UGGT2: variants seen among roughly 807,000 people sequenced by gnomAD.
The protein encoded by UGGT2 is UDP-glucose:glycoprotein glucosyltransferase 2.
In UGGT2, 180 loss-of-function variants were observed where a neutral mutation model predicts 192.1. The ratio of observed to expected loss-of-function variants is 0.94; its 90% CI spans 0.83 to 1.06. The LOEUF (loss-of-function observed/expected upper bound fraction) is 1.06, where lower values mean the gene tolerates loss of function less well. Ranked by LOEUF, UGGT2 falls within the 50% of genes least tolerant of loss-of-function variation. The pLI is 0.00. For synonymous variants in UGGT2, 580 were observed against 591.0 expected, an observed-to-expected ratio of 0.98 and a Z score of 0.27; for missense variants, 1,849 against 1,795.7, an observed-to-expected ratio of 1.03 and a Z score of -0.54.
chr13:95,944,091 A>G (rs1271071603), intron 15 of UGGT2, among the ~76,000 whole-genome samples: 1 of 152,000 alleles, frequency 6.6e-6, no homozygotes, highest in Admixed American at 6.6e-5. Flanking sequence ...TATTCATTAG[A>G]TAATCTCACC....
chr13:95,838,807 C>T (rs1235320619), intron 36 of UGGT2, among the ~76,000 whole-genome samples: 1 of 152,082 alleles, frequency 6.6e-6, no homozygotes. Flanking sequence ...GCTACTAACT[C>T]AAATGGTTAT....
intron 7 of UGGT2, among the ~76,000 whole-genome samples, chr13:95,992,918 G>A (rs1429499094): frequency 6.6e-6 from 1 of 152,132 alleles, no homozygotes; most frequent in Non-Finnish European, 1.5e-5. Flanking sequence ...TCATTACTGG[G>A]TATTCACCCA....
chr13:95,877,107 C>T (rs908234114), intron 29 of UGGT2, 172 bp downstream of exon 29: 1 of 481,234 alleles, frequency 2.1e-6, no homozygotes, highest in Non-Finnish European at 3.6e-6. Flanking sequence ...AGGTCTTGAA[C>T]TCCTGGCCTT....
At position 95,996,121 on chromosome 13, in the gene UGGT2, T is replaced by G; in HGVS notation, c.772A>C (p.Thr258Pro). ...DTQVKTVTNTTVEDETETNEV... is the reference protein window; with the variant it reads ...DTQVKTVTNTPVEDETETNEV... ...TTTGTTTCAGTCTCATCCTCTACAG[T>G]AGTATTAGTCACAGCTACATTTTGG... Residue 258 changes from threonine to proline, a missense_variant, in exon 7 of 39, where the codon ACT becomes CCT. By Grantham distance (38) the Thr-to-Pro change is conservative (BLOSUM62 -1). Transcript: ENST00000376747. The G allele has an allele frequency of 6.2e-7, 1 of 1,612,632 alleles. No homozygotes were observed. Among genetic ancestry groups the G allele is most frequent in the Non-Finnish European group, 8.5e-7 (1 of 1,179,546 alleles).
intron 27 of UGGT2, among the ~76,000 whole-genome samples, chr13:95,879,135 C>T (rs2047421974): frequency 6.6e-6 from 1 of 152,144 alleles, no homozygotes; most frequent in Non-Finnish European, 1.5e-5. Context: ...GGAAGCAATA[C>T]ACCAAAGTGA....
At chr13:95,994,460 T>A (rs2051555397) in intron 7 of UGGT2, among the ~76,000 whole-genome samples, 1 of 151,612 alleles carries the variant, frequency 6.6e-6, no homozygotes, top group African/African-American at 2.4e-5. Context: ...CAAAAGAAAT[T>A]CAATTTAGGC....
At chr13:95,929,194 G>A (rs1440587194) in intron 17 of UGGT2, among the ~76,000 whole-genome samples, 1 of 152,128 alleles carries the variant, frequency 6.6e-6, no homozygotes, top group African/African-American at 2.4e-5. Flanking sequence ...GAGAGGGGGA[G>A]GGAGAATACA....
Position 95,863,679 on chromosome 13 carries a change from GAT to G in UGGT2, c.3592_3593del (p.Ile1198ProfsTer4), listed in dbSNP as rs1890369230. The G allele has an allele frequency of 6.2e-7, 1 of 1,612,484 alleles. No homozygotes were observed. Among genetic ancestry groups the G allele is most frequent in the Non-Finnish European group, 8.5e-7 (1 of 1,179,114 alleles). On this transcript the variant is annotated frameshift_variant, in exon 31 of 39. Coordinates refer to ENST00000376747, the MANE Select transcript of UGGT2 (RefSeq NM_020121.4). LOFTEE classifies it high-confidence loss of function. ...KKETDKIKED[I>X]LTDEDEKTKG... Reference sequence around the variant, plus strand: ...TTGTTTTTTCATCTTCATCGGTAAGGATATCTTCCTTAATTTTGTCTGTTTCT... The same window carrying G: ...TTGTTTTTTCATCTTCATCGGTAAGGATCTTCCTTAATTTTGTCTGTTTCT...
At chr13:95,959,410 A>T (rs1208099452) in intron 12 of UGGT2, among the ~76,000 whole-genome samples, 1 of 152,056 alleles carries the variant, frequency 6.6e-6, no homozygotes, top group Non-Finnish European at 1.5e-5. Context: ...TGGCCGGTGG[A>T]TCATCCCGCT....
rs779582656 is a variant in UGGT2 at position 95,927,351 on chromosome 13, AT to A, written c.1978-16del. The stretch of plus-strand genomic sequence containing the variant: ...TTTAATGTGCCCTAAAAAAACAAAA[AT>A]GTTATTTAGATAATACAGGCAATTT... On this transcript the variant is annotated splice_polypyrimidine_tract_variant and intron_variant, in intron 17 of 38. Transcript: ENST00000376747. 2 of 1,589,542 alleles carry A rather than the reference AT, an allele frequency of 1.3e-6. No individual in the cohort carries two copies. The highest frequency in any genetic ancestry group is 1.7e-6 in the Non-Finnish European group (2 of 1,171,164).
At chr13:95,982,955 C>A (rs1468553855) in intron 10 of UGGT2, among the ~76,000 whole-genome samples, 1 of 152,168 alleles carries the variant, frequency 6.6e-6, no homozygotes, top group Non-Finnish European at 1.5e-5. Context: ...ATCAAAACAG[C>A]TGACATTTGT....
At chr13:95,979,635 T>G (rs1174907542) in intron 10 of UGGT2, among the ~76,000 whole-genome samples, 1 of 151,796 alleles carries the variant, frequency 6.6e-6, no homozygotes, top group African/African-American at 2.4e-5. Context: ...TGATCTGTAT[T>G]CTTCTTATTA....
intron 10 of UGGT2, among the ~76,000 whole-genome samples, chr13:95,974,441 T>C (rs1005038974): frequency 1.3e-5 from 2 of 152,186 alleles, no homozygotes; most frequent in Non-Finnish European, 2.9e-5. Context: ...ACACCAAGCA[T>C]GCAGATCCAT....
At chr13:95,847,661 T>C (rs904969265) in intron 36 of UGGT2, among the ~76,000 whole-genome samples, 1 of 152,236 alleles carries the variant, frequency 6.6e-6, no homozygotes, top group Admixed American at 6.5e-5. Flanking sequence ...CTCTTAATAA[T>C]ATTCCATGGT....
chr13:95,984,117 CTTA>C (rs1294021602), intron 9 of UGGT2, among the ~76,000 whole-genome samples: 1 of 152,128 alleles, frequency 6.6e-6, no homozygotes, highest in Non-Finnish European at 1.5e-5. Flanking sequence ...TTTACTATGA[CTTA>C]TTTTTTGAAA....
chr13:96,050,619 T>C (rs1170688843), intron 1 of UGGT2, among the ~76,000 whole-genome samples: 2 of 149,824 alleles, frequency 1.3e-5, no homozygotes, highest in South Asian at 2.3e-4. Flanking sequence ...ACAAAGAACT[T>C]AAACAAATTT....
intron 12 of UGGT2, among the ~76,000 whole-genome samples, chr13:95,950,322 G>C (rs72632670): frequency 0.051 from 7,725 of 152,124 alleles, 295 homozygotes; most frequent in East Asian, 0.19. Flanking sequence ...AGAAGACAGA[G>C]ACCAAAGTCC....
At chr13:95,981,605 A>T (rs1390074692) in intron 10 of UGGT2, among the ~76,000 whole-genome samples, 2 of 152,210 alleles carry the variant, frequency 1.3e-5, no homozygotes, top group East Asian at 3.8e-4. Flanking sequence ...AATAAACTGC[A>T]GCATGAGAAG....
chr13:95,894,635 C>A lies in UGGT2; in HGVS notation c.2782G>T (p.Val928Phe), dbSNP rs938830741. Reference protein sequence around the residue: ...ANNMSDFIMKVDALMSSVPKR... With the variant: ...ANNMSDFIMKFDALMSSVPKR... The stretch of plus-strand genomic sequence containing the variant: ...GGCACAGAGGACATAAGGGCATCAA[C>A]TTTCATAATAAAGTCACTCATGCTA... Residue 928 changes from valine to phenylalanine, a missense_variant, in exon 24 of 39, where the codon GTT (valine) becomes TTT (phenylalanine). By Grantham distance (50) the Val-to-Phe change is conservative (BLOSUM62 -1). Transcript: ENST00000376747. 3.1e-6 allele frequency: 5 copies of A among 1,611,618 alleles called. No homozygotes were observed. Among genetic ancestry groups the A allele is most frequent in the South Asian group, 1.1e-5 (1 of 90,754 alleles).
Sources: gnomAD v4.1 joint callset for allele counts (sites outside exome capture counted in the v4.1 genomes callset) on GRCh38, gnomAD v4.1.1 for gene constraint, MANE v1.5 for transcripts, NCBI Gene and HGNC (gene_info 2026-07-23, HGNC 2026-07-21) for gene names.